ERI2: variants seen among roughly 807,000 people sequenced by gnomAD.
ERI2 encodes ERI1 exoribonuclease family member 2.
ERI2 carries 35 observed loss-of-function variants against 46.8 expected under a neutral mutation model. The observed-to-expected ratio is 0.75, with a 90% CI of 0.57 to 0.99. The LOEUF is 0.99. Among genes scored for constraint, ERI2 ranks in the 50% least tolerant of loss-of-function variants. The pLI is 0.00. For missense variants in ERI2, 695 were observed against 796.2 expected, an observed-to-expected ratio of 0.87 and a Z score of 1.53; for synonymous variants, 224 against 271.0, an observed-to-expected ratio of 0.83 and a Z score of 1.70.
At chr16:20,792,098 G>C (rs2080612729), downstream of ERI2, 1 of 1,614,036 alleles carries the variant, frequency 6.2e-7, no homozygotes, top group African/African-American at 1.3e-5. Flanking sequence ...CTGGTTTGTT[G>C]CAAGAGCAGA....
At chr16:20,787,171 G>T (rs1230649469) in intron 10 of ERI2, among the ~76,000 whole-genome samples, 3 of 152,212 alleles carry the variant, frequency 2.0e-5, no homozygotes, top group Non-Finnish European at 2.9e-5. Context: ...CTCAACTTAT[G>T]ATAGGGTTAT....
chr16:20,794,166 A>G (rs1321980114), downstream of ERI2, among the ~76,000 whole-genome samples: 3 of 152,210 alleles, frequency 2.0e-5, no homozygotes, highest in Admixed American at 2.0e-4. Context: ...TACCTGGGTT[A>G]GGTCCTTCTC....
chr16:20,798,518 G>A lies in ERI2; in HGVS notation c.1282C>T (p.Pro428Ser). Residue 428 changes from proline (P) to serine (S), a missense_variant, in exon 9 of 9, where the codon CCC becomes TCC. Coordinates refer to ENST00000357967, the MANE Select transcript of ERI2 (RefSeq NM_001142725.2). ...QPEENVDCTV[P>S]ISDSDLEISF... ...ATCTCTAAGTCTGAGTCACTAATGG[G>A]AACTGTACAGTCTACGTTTTCCTCA... The A allele has an allele frequency of 6.4e-7, 1 of 1,551,512 alleles. No individual in the cohort carries two copies.
At chr16:20,792,395 A>G, downstream of ERI2, 1 of 1,599,064 alleles carries the variant, frequency 6.3e-7, no homozygotes. Context: ...CATACTTACA[A>G]ACAGTAGCTC....
At position 20,783,625 on chromosome 16, in the gene ERI2, C is replaced by T. The variant is rs987805026; in HGVS notation, c.895-2891G>A. On this transcript the variant is annotated intron_variant, in intron 10 of 10. Transcript: ENST00000300005. ...ATTTAAACTGATGTTATTTAATTAT[C>T]GAATAGGAAATAATTCACCTGCCAT... 4 of 151,964 alleles carry T rather than the reference C, an allele frequency of 2.6e-5. 1 individual carries two copies. The highest frequency in any genetic ancestry group is 4.4e-5 in the Non-Finnish European group (3 of 67,952). The allele number at this position is 151,964 out of a possible 1,614,324, so 9.4% of individuals were successfully genotyped here.
Position 20,802,849 on chromosome 16 carries a change from G to A in ERI2, c.250C>T (p.Gln84Ter), listed in dbSNP as rs746912755. 5.0e-6 allele frequency: 8 copies of A among 1,611,430 alleles called. No homozygotes were observed. In the South Asian group the frequency reaches 7.7e-5, roughly 16 times the overall value. Residue 84 changes from glutamine (Q) to a stop codon, truncating the protein, a stop_gained, in exon 4 of 9, where the codon CAG (glutamine) becomes TAG (stop). Coordinates refer to ENST00000357967, the MANE Select transcript of ERI2 (RefSeq NM_001142725.2). LOFTEE classifies it high-confidence loss of function. ...AATTCTGAAAGAATTGGATGTTCCT[G>A]AGGTTGAACATAAGCCTGGAACTCA... ...DSEFQAYVQP[Q>*]EHPILSEFCM...
chr16:20,801,118 GT>G, intron 5 of ERI2, 84 bp downstream of exon 5: 2 of 1,210,428 alleles, frequency 1.7e-6, no homozygotes, highest in Non-Finnish European at 2.2e-6. Context: ...ATAATTCTAG[GT>G]TAGCAAGTAT....
At chr16:20,785,097 A>T in intron 10 of ERI2, 2 of 1,613,304 alleles carry the variant, frequency 1.2e-6, no homozygotes, top group Non-Finnish European at 1.7e-6. Flanking sequence ...GGATATGGAC[A>T]GACTGAAACG....
At chr16:20,781,787 G>C in intron 10 of ERI2, 2 of 1,601,984 alleles carry the variant, frequency 1.2e-6, no homozygotes, top group Non-Finnish European at 1.7e-6. Context: ...GATATAACCA[G>C]GTAAGAAATG....
At chr16:20,785,068 G>A (rs766197968) in intron 10 of ERI2, 10 of 1,613,444 alleles carry the variant, frequency 6.2e-6, no homozygotes, top group African/African-American at 2.7e-5. Flanking sequence ...GAAACAAGAC[G>A]GGCCTGGATA....
At chr16:20,806,054 G>A in intron 1 of ERI2, 1 of 1,213,978 alleles carries the variant, frequency 8.2e-7, no homozygotes, top group Non-Finnish European at 1.0e-6. Flanking sequence ...CACCTTGACA[G>A]ATTCAGTGTG....
At position 20,797,999 on chromosome 16, in the gene ERI2, G is replaced by A. The variant is rs553546813; in HGVS notation, c.1801C>T (p.Arg601Trp). 1.1e-5 allele frequency: 17 copies of A among 1,551,814 alleles called. No individual in the cohort carries two copies. Among genetic ancestry groups the A allele is most frequent in the African/African-American group, 9.6e-5 (7 of 73,118 alleles). The stretch of plus-strand genomic sequence containing the variant: ...GAAACAACAAGTCTCTTAGATCTCC[G>A]ACCACACTTGCATAATGGAGGTGTC... ...KMTPPLCKCGRRSKRLVVSNN... is the reference protein window; with the variant it reads ...KMTPPLCKCGWRSKRLVVSNN... Residue 601 changes from arginine to tryptophan, a missense_variant, in exon 9 of 9, where the codon CGG becomes TGG. Coordinates refer to ENST00000357967, the MANE Select transcript of ERI2 (RefSeq NM_001142725.2).
In ERI2 at chr16:20,798,587, A is replaced by T. The variant is rs1243834149; in HGVS notation, c.1213T>A (p.Leu405Met). 1 of 1,551,626 alleles carries T rather than the reference A, an allele frequency of 6.4e-7. No individual in the cohort carries two copies. The highest frequency in any genetic ancestry group is 2.0e-5 in the Admixed American group (1 of 51,002). ...AAAACCACATCCTCCCAATCAGCCA[A>T]CACAGGTAAACAGTCCAGAGTAGAG... ...MSSTLDCLPVLADWEDVVLLP... is the reference protein window; with the variant it reads ...MSSTLDCLPVMADWEDVVLLP... Residue 405 changes from leucine to methionine, a missense_variant, in exon 9 of 9, where the codon TTG becomes ATG. Physicochemically the swap from Leu to Met is conservative, Grantham distance 15. Transcript: ENST00000357967.
At chr16:20,803,302 AACAT>A in intron 3 of ERI2, 127 bp downstream of exon 3, 2 of 1,047,196 alleles carry the variant, frequency 1.9e-6, no homozygotes, top group Non-Finnish European at 2.7e-6. Flanking sequence ...TTTTTTATTC[AACAT>A]AAGTTTTGCA....
chr16:20,798,961 T>A lies in ERI2; in HGVS notation c.839A>T (p.Asn280Ile). 1.3e-6 allele frequency: 2 copies of A among 1,550,404 alleles called. No homozygotes were observed. The highest frequency in any genetic ancestry group is 1.7e-6 in the Non-Finnish European group (2 of 1,146,646). The change falls in exon 9 of 9, where the codon AAT (asparagine) becomes ATT (isoleucine). Residue 280 changes from asparagine (N) to isoleucine (I), a missense_variant. Transcript: ENST00000357967. ...NISIQGPSIY[N>I]KEPKNIINPH... ...ATTTATTATATTTTTAGGCTCCTTA[T>A]TATATATGCTGGGACCCTGGATGCT...
In ERI2 at chr16:20,803,333, T is replaced by C. The variant is rs868551212; in HGVS notation, c.175+100A>G. ...AGTTTTGCATTAAACTACCAATGCA[T>C]AGACCATCCTGTTTTCTTAAACTTT... On this transcript the variant is annotated intron_variant, in intron 3 of 8. Coordinates refer to ENST00000357967, the MANE Select transcript of ERI2 (RefSeq NM_001142725.2). 5.9e-6 allele frequency: 8 copies of C among 1,359,378 alleles called. No individual in the cohort carries two copies. In the Middle Eastern group the frequency reaches 5.6e-4, roughly 95 times the overall value. 84.2% of individuals were successfully genotyped at this position (1,359,378 alleles called of 1,614,324 possible).
chr16:20,804,079 C>A (rs1328798263), intron 1 of ERI2, among the ~76,000 whole-genome samples: 1 of 151,134 alleles, frequency 6.6e-6, no homozygotes, highest in Non-Finnish European at 1.5e-5. Context: ...ATCTCGAACT[C>A]CTGAGCTCCA....
chr16:20,804,215 C>A (rs934409548), intron 1 of ERI2, among the ~76,000 whole-genome samples: 1 of 151,944 alleles, frequency 6.6e-6, no homozygotes, highest in Non-Finnish European at 1.5e-5. Context: ...CATTTGAGTT[C>A]CTACAATCAT....
chr16:20,792,239 T>C, downstream of ERI2: 2 of 1,614,018 alleles, frequency 1.2e-6, no homozygotes, highest in East Asian at 4.5e-5. Context: ...TTTCTAGCTA[T>C]CGAATTGGAC....
Sources: allele counts gnomAD v4.1 joint callset (sites outside exome capture counted in the v4.1 genomes callset), GRCh38; gene constraint gnomAD v4.1.1; transcripts MANE v1.5; gene names NCBI Gene and HGNC (gene_info 2026-07-23, HGNC 2026-07-21).